DYRK1A: variants seen among roughly 807,000 people sequenced by gnomAD.
The protein encoded by DYRK1A is dual specificity tyrosine phosphorylation regulated kinase 1A, also known as dual specificity tyrosine-phosphorylation-regulated kinase 1A.
DYRK1A carries 9 observed loss-of-function variants against 79.7 expected under a neutral mutation model. The ratio of observed to expected loss-of-function variants is 0.11; its 90% confidence interval spans 0.07 to 0.20. The LOEUF (loss-of-function observed/expected upper bound fraction) is 0.20. Ranked by LOEUF, DYRK1A falls within the 10% of genes least tolerant of loss-of-function variation. The pLI is 1.00. For missense variants in DYRK1A, 622 were observed against 956.0 expected (o/e 0.65, Z 4.61); for synonymous variants, 349 against 329.7 (o/e 1.06, Z -0.63).
chr21:37,430,476 C>T lies in DYRK1A; in HGVS notation c.10+10092C>T, dbSNP rs555927612. The T allele has an allele frequency of 8.7e-5, 81 of 929,412 alleles. No homozygotes were observed. In the South Asian group the frequency reaches 3.4e-3, roughly 39 times the overall value. 57.6% of individuals were successfully genotyped at this position (929,412 alleles called of 1,614,324 possible). A position where few individuals can be genotyped will look rare whatever the true frequency, so the allele number is the denominator to read the frequency against. On this transcript the variant is annotated intron_variant, in intron 2 of 11. Coordinates refer to ENST00000647188, the MANE Select transcript of DYRK1A (RefSeq NM_001347721.2). The stretch of plus-strand genomic sequence containing the variant: ...GCACTAGGATAGTTTTTACTTTCAC[C>T]TTTGTTCCATGCACCGCGCAAATAC...
At chr21:37,494,454 C>T (rs1375528921) in intron 8 of DYRK1A, among the ~76,000 whole-genome samples, 4 of 152,046 alleles carry the variant, frequency 2.6e-5, no homozygotes, top group Middle Eastern at 3.2e-3. Context: ...CCCTTGAAAA[C>T]GCCAGCTACA....
chr21:37,417,445 C>T (rs777273055), intron 1 of DYRK1A, among the ~76,000 whole-genome samples: 2 of 151,494 alleles, frequency 1.3e-5, no homozygotes, highest in African/African-American at 2.4e-5. Context: ...ACGCCCACCT[C>T]GGCCTCCCAA....
At chr21:37,431,427 C>G (rs569433581) in intron 2 of DYRK1A, among the ~76,000 whole-genome samples, 1 of 152,294 alleles carries the variant, frequency 6.6e-6, no homozygotes, top group Non-Finnish European at 1.5e-5. Flanking sequence ...GCGAAGTTGC[C>G]CATTGGAGAT....
chr21:37,426,676 C>T (rs1018399969), intron 2 of DYRK1A, among the ~76,000 whole-genome samples: 10 of 150,688 alleles, frequency 6.6e-5, no homozygotes, highest in African/African-American at 9.8e-5. Context: ...TTTGGGAGGC[C>T]GAGGCGGGCA....
At chr21:37,376,668 C>T (rs757281616) in intron 1 of DYRK1A, among the ~76,000 whole-genome samples, 24 of 152,116 alleles carry the variant, frequency 1.6e-4, no homozygotes, top group Middle Eastern at 3.4e-3. Flanking sequence ...TAGGACCCTG[C>T]GCTTGATTAA....
intron 2 of DYRK1A, among the ~76,000 whole-genome samples, chr21:37,426,765 A>C (rs1230283575): frequency 6.6e-6 from 1 of 150,464 alleles, no homozygotes; most frequent in African/African-American, 2.4e-5. Flanking sequence ...AAAAAAAAAA[A>C]AAAAATAAGC....
rs563258870 is a variant in DYRK1A, at chr21:37,481,994, C to T, written c.489+1168C>T. The stretch of plus-strand genomic sequence containing the variant: ...TCCCAGTCTCCTCTGCCTTGCAGCC[C>T]TTGTGGAATGAGATGGTTATTAATC... On this transcript the variant is annotated intron_variant, in intron 5 of 11. Coordinates refer to ENST00000647188, the MANE Select transcript of DYRK1A (RefSeq NM_001347721.2). Among the ~76,000 whole-genome samples, 19 of 152,318 alleles carry T rather than the reference C, an allele frequency of 1.2e-4. No individual in the cohort carries two copies. The East Asian group carries it at 3.7e-3, about 29-fold the overall frequency.
chr21:37,467,438 C>T (rs896575829), intron 2 of DYRK1A, among the ~76,000 whole-genome samples: 13 of 152,176 alleles, frequency 8.5e-5, no homozygotes, highest in Admixed American at 8.5e-4. Context: ...ACTATGTTGT[C>T]TAGGCTGGTC....
At chr21:37,471,197 T>C (rs1484397311) in intron 2 of DYRK1A, among the ~76,000 whole-genome samples, 3 of 152,212 alleles carry the variant, frequency 2.0e-5, no homozygotes, top group East Asian at 3.8e-4. Context: ...TTAAGTGTTA[T>C]ATGTGGTGAT....
chr21:37,372,601 A>G (rs1413960032), intron 1 of DYRK1A, among the ~76,000 whole-genome samples: 2 of 152,170 alleles, frequency 1.3e-5, no homozygotes, highest in East Asian at 3.8e-4. Context: ...CTGAGTCTCA[A>G]CAGGTTCTGT....
At chr21:37,379,060 A>G (rs2049605226) in intron 1 of DYRK1A, among the ~76,000 whole-genome samples, 3 of 152,046 alleles carry the variant, frequency 2.0e-5, no homozygotes, top group South Asian at 4.1e-4. Context: ...CAGATGAGGG[A>G]GAGAGGGAGG....
intron 1 of DYRK1A, among the ~76,000 whole-genome samples, chr21:37,417,236 G>A (rs895652338): frequency 6.6e-6 from 1 of 151,992 alleles, no homozygotes; most frequent in Non-Finnish European, 1.5e-5. Flanking sequence ...TGTTGCCCAG[G>A]CTGGAGTGCA....
rs989894985 is a variant in DYRK1A, at chr21:37,523,261, G to T, written c.*10730G>T. 1 of 152,488 alleles carries T rather than the reference G, an allele frequency of 6.6e-6. No homozygotes were observed. The highest frequency in any genetic ancestry group is 1.9e-4 in the South Asian group (1 of 5,132). The allele number at this position is 152,488 out of a possible 1,614,324, so 9.4% of individuals were successfully genotyped here. On this transcript the variant is annotated 3_prime_UTR_variant, in exon 12 of 12. Coordinates refer to ENST00000647188, the MANE Select transcript of DYRK1A (RefSeq NM_001347721.2). ...GCACTTTTTTGCCCATGCTGGTCTT[G>T]AACCCCTGGGCTCAAGCGATCCTTC...
intron 2 of DYRK1A, among the ~76,000 whole-genome samples, chr21:37,426,256 CTACTCCA>C (rs2050615237): frequency 6.6e-6 from 1 of 152,168 alleles, no homozygotes; most frequent in African/African-American, 2.4e-5. Context: ...GTCAGAAAAG[CTACTCCA>C]GTTTCCCCAA....
Position 37,507,054 on chromosome 21 carries a change from A to G in DYRK1A, c.1644+831A>G, listed in dbSNP as rs559660490. Among the ~76,000 whole-genome samples, 20 of 143,098 alleles carry G rather than the reference A, an allele frequency of 1.4e-4. No homozygotes were observed. The South Asian group carries it at 4.5e-3, about 33-fold the overall frequency. 93.9% of individuals were successfully genotyped at this position (143,098 alleles called of 152,430 possible). A position where few individuals can be genotyped will look rare whatever the true frequency, so the allele number is the denominator to read the frequency against. On this transcript the variant is annotated intron_variant, in intron 11 of 11. Transcript: ENST00000647188. Reference sequence around the variant, plus strand: ...TTTAATAATAGTTTCAAACTTTTCTACTCTTAGAAACCTTTGCCCTCCCCT... The same window carrying G: ...TTTAATAATAGTTTCAAACTTTTCTGCTCTTAGAAACCTTTGCCCTCCCCT...
At chr21:37,461,682 A>G (rs1449811093) in intron 2 of DYRK1A, among the ~76,000 whole-genome samples, 4 of 152,026 alleles carry the variant, frequency 2.6e-5, no homozygotes, top group African/African-American at 9.7e-5. Context: ...TATTTTCATC[A>G]TTTAAAGATG....
At chr21:37,436,783 G>A (rs183993853) in intron 2 of DYRK1A, among the ~76,000 whole-genome samples, 1 of 152,262 alleles carries the variant, frequency 6.6e-6, no homozygotes, top group Admixed American at 6.5e-5. Context: ...TACTGAACAT[G>A]TATTCTAAAA....
chr21:37,479,620 T>TTTTTTTTTG (rs2052556160), intron 4 of DYRK1A, among the ~76,000 whole-genome samples: 2 of 77,698 alleles, frequency 2.6e-5, no homozygotes, highest in East Asian at 3.7e-4. Context: ...TTGTTTTTTG[T>TTTTTTTTTG]TTTTTTTTTT....
chr21:37,457,061 T>C (rs1223886323), intron 2 of DYRK1A, among the ~76,000 whole-genome samples: 19 of 149,988 alleles, frequency 1.3e-4, no homozygotes, highest in African/African-American at 3.7e-4. Context: ...TATTTATTTA[T>C]TTATTTATTT....
Sources: allele counts gnomAD v4.1 joint callset (sites outside exome capture counted in the v4.1 genomes callset), GRCh38; gene constraint gnomAD v4.1.1; transcripts MANE v1.5; gene names NCBI Gene and HGNC (gene_info 2026-07-23, HGNC 2026-07-21).